DMD: variants seen among roughly 807,000 people sequenced by gnomAD.
DMD encodes mutant dystrophin.
Under a neutral mutation model 330.1 loss-of-function variants are expected in DMD, and 63 were observed. The observed-to-expected ratio is 0.19, with a 90% CI of 0.16 to 0.24. The LOEUF (loss-of-function observed/expected upper bound fraction) is 0.24, where lower values mean the gene tolerates loss of function less well. Ranked by LOEUF, DMD falls within the 10% of genes least tolerant of loss-of-function variation. The pLI, the probability that DMD is intolerant of heterozygous loss-of-function variation, is 1.00. For missense variants in DMD, 3,344 were observed against 2,684.1 expected (o/e 1.25, Z -5.43); for synonymous variants, 1,223 against 959.8 (o/e 1.27, Z -5.07).
intron 7 of DMD, among the ~76,000 whole-genome samples, chrX:32,734,238 C>T (rs1468713588): frequency 9.6e-6 from 1 of 104,621 alleles, no homozygotes; most frequent in Non-Finnish European, 1.9e-5. Context: ...TCTGAATAGA[C>T]CAATAACAGG....
At chrX:32,850,231 G>A (rs1395468107) in intron 2 of DMD, among the ~76,000 whole-genome samples, 2 of 111,582 alleles carry the variant, frequency 1.8e-5, no homozygotes, top group African/African-American at 6.5e-5. Flanking sequence ...GAATATACCA[G>A]TCAGAGTGGT....
chrX:31,743,937 G>A (rs1014326063), intron 51 of DMD, among the ~76,000 whole-genome samples: 16 of 109,772 alleles, frequency 1.5e-4, no homozygotes, highest in Non-Finnish European at 2.8e-4. Flanking sequence ...GCTTACTGCC[G>A]CCTTGACCTC....
intron 60 of DMD, among the ~76,000 whole-genome samples, chrX:31,414,600 G>A (rs1382955582): frequency 3.6e-5 from 4 of 111,681 alleles, no homozygotes; most frequent in Non-Finnish European, 7.5e-5. Context: ...TATTAATTAC[G>A]CCGCTATCTA....
intron 7 of DMD, among the ~76,000 whole-genome samples, chrX:32,771,831 G>A (rs1234708278): frequency 2.7e-5 from 3 of 111,421 alleles, no homozygotes; most frequent in Non-Finnish European, 5.7e-5. Context: ...TTATCTTTGA[G>A]GTTTATACAT....
At chrX:31,754,372 G>C (rs949887303) in intron 51 of DMD, among the ~76,000 whole-genome samples, 22 of 111,142 alleles carry the variant, frequency 2.0e-4, no homozygotes, top group African/African-American at 7.2e-4. Context: ...TTAATGGTAA[G>C]TTGGTTGGTT....
At chrX:31,405,999 A>G (rs753024556) in intron 60 of DMD, among the ~76,000 whole-genome samples, 18 of 112,342 alleles carry the variant, frequency 1.6e-4, no homozygotes, top group African/African-American at 5.5e-4. Flanking sequence ...ACTAACAAAC[A>G]GTGCATGAAT....
chrX:31,995,737 G>C (rs528126374), intron 44 of DMD, among the ~76,000 whole-genome samples: 1 of 111,469 alleles, frequency 9.0e-6, no homozygotes, highest in African/African-American at 3.3e-5. Context: ...TTTTTTGTGA[G>C]CACCACCACA....
At chrX:33,091,003 A>G (rs909676041) in intron 1 of DMD, among the ~76,000 whole-genome samples, 1 of 110,866 alleles carries the variant, frequency 9.0e-6, no homozygotes. Flanking sequence ...GTAAAGGCCT[A>G]TGTTTTTCTG....
intron 9 of DMD, among the ~76,000 whole-genome samples, chrX:32,676,237 GCAATAGAGCC>G (rs2061957855): frequency 9.0e-6 from 1 of 111,189 alleles, no homozygotes; most frequent in Non-Finnish European, 1.9e-5. Context: ...TTCAGTTGAA[GCAATAGAGCC>G]CTTTCACTAC....
intron 55 of DMD, among the ~76,000 whole-genome samples, chrX:31,516,122 T>G (rs2072167100): frequency 9.0e-6 from 1 of 110,948 alleles, no homozygotes; most frequent in Admixed American, 9.6e-5. Flanking sequence ...GAACAGAAAT[T>G]GAAAGCAAAT....
chrX:33,142,386 G>C (rs749513191), intron 1 of DMD, among the ~76,000 whole-genome samples: 3 of 113,037 alleles, frequency 2.7e-5, no homozygotes, highest in Non-Finnish European at 5.6e-5. Context: ...TGCCCGGCGA[G>C]GCTTTTAAAT....
chrX:32,049,288 T>C (rs1206702810), intron 44 of DMD, among the ~76,000 whole-genome samples: 1 of 111,314 alleles, frequency 9.0e-6, no homozygotes, highest in Non-Finnish European at 1.9e-5. Flanking sequence ...CCTATTGCTA[T>C]TGGAAATGAG....
intron 55 of DMD, among the ~76,000 whole-genome samples, chrX:31,613,672 A>T (rs186914473): frequency 1.8e-5 from 2 of 111,399 alleles, no homozygotes; most frequent in Non-Finnish European, 3.8e-5. Context: ...CTTCTCTTGG[A>T]TGACTAAAGG....
rs1001101438 is a variant in DMD at position 32,315,706 on chromosome X, G to A, written c.5923-5430C>T. Among the ~76,000 whole-genome samples the A allele has an allele frequency of 8.0e-4, 89 of 111,086 alleles. 1 individual carries two copies. The Admixed American group carries it at 8.5e-3, about 11-fold the overall frequency. ...CATACCCTGGCTTCTCATCTGTTAAGCTTCTCTCCACCTGACCCCATGTGT... is the reference window on the plus strand; with the variant it reads ...CATACCCTGGCTTCTCATCTGTTAAACTTCTCTCCACCTGACCCCATGTGT... On this transcript the variant is annotated intron_variant, in intron 41 of 78. Transcript: ENST00000357033.
chrX:32,549,681 A>G (rs1448209171), intron 16 of DMD, among the ~76,000 whole-genome samples: 1 of 111,738 alleles, frequency 8.9e-6, no homozygotes, highest in African/African-American at 3.2e-5. Context: ...ACATTTTCTC[A>G]TTCTGAGAAA....
chrX:33,191,200 G>T (rs1167185235), intron 1 of DMD, among the ~76,000 whole-genome samples: 1 of 103,171 alleles, frequency 9.7e-6, no homozygotes, highest in African/African-American at 3.5e-5. Flanking sequence ...TCTTATCTGG[G>T]ATATAACTGC....
At chrX:32,625,679 T>A (rs1179096175) in intron 11 of DMD, among the ~76,000 whole-genome samples, 1 of 112,599 alleles carries the variant, frequency 8.9e-6, no homozygotes, top group East Asian at 2.8e-4. Flanking sequence ...TTTTGTGCTT[T>A]ATGGAAATAC....
At chrX:32,136,008 T>C (rs1417572196) in intron 44 of DMD, among the ~76,000 whole-genome samples, 2 of 112,024 alleles carry the variant, frequency 1.8e-5, no homozygotes, top group African/African-American at 6.5e-5. Context: ...AAAAATCTGA[T>C]TCCATAAATC....
intron 21 of DMD, among the ~76,000 whole-genome samples, chrX:32,473,889 G>GT (rs755448703): frequency 1.8e-5 from 2 of 109,956 alleles, no homozygotes; most frequent in South Asian, 7.9e-4. Flanking sequence ...GGTTACATGA[G>GT]TAAGTTCTTT....
Sources: allele counts gnomAD v4.1 joint callset (sites outside exome capture counted in the v4.1 genomes callset), GRCh38; gene constraint gnomAD v4.1.1; transcripts MANE v1.5; gene names NCBI Gene and HGNC (gene_info 2026-07-23, HGNC 2026-07-21).